The following LRP1B variants were observed in gnomAD, a reference collection of about 807,000 sequenced individuals.
The protein encoded by LRP1B is LDL receptor related protein 1B.
Under a neutral mutation model 556.6 loss-of-function variants are expected in LRP1B, and 217 were observed. The observed-to-expected ratio is 0.39, with a 90% CI of 0.35 to 0.44. The LOEUF is 0.44. Ranked by LOEUF, LRP1B falls within the 20% of genes least tolerant of loss-of-function variation. LRP1B has a pLI of 1.00. For missense variants in LRP1B, 5,053 were observed against 5,620.8 expected, an observed-to-expected ratio of 0.90 and a Z score of 3.23; for synonymous variants, 2,047 against 1,865.8, an observed-to-expected ratio of 1.10 and a Z score of -2.50.
At chr2:141,825,233 T>G (rs1369027332) in intron 1 of LRP1B, among the ~76,000 whole-genome samples, 1 of 152,182 alleles carries the variant, frequency 6.6e-6, no homozygotes, top group Non-Finnish European at 1.5e-5. Flanking sequence ...TACAGCTTTG[T>G]GAATAATAGA....
At chr2:140,582,605 C>T (rs1248151553) in intron 43 of LRP1B, among the ~76,000 whole-genome samples, 2 of 152,118 alleles carry the variant, frequency 1.3e-5, no homozygotes, top group African/African-American at 4.8e-5. Context: ...CGCTCTGCTG[C>T]CATGCGAGGA....
intron 1 of LRP1B, among the ~76,000 whole-genome samples, chr2:141,930,656 T>G (rs1700474426): frequency 1.3e-5 from 2 of 152,196 alleles, no homozygotes; most frequent in Non-Finnish European, 2.9e-5. Context: ...TTAACTCATC[T>G]TGCTGGTTTG....
At chr2:142,105,085 G>C (rs1706699126) in intron 1 of LRP1B, among the ~76,000 whole-genome samples, 1 of 152,148 alleles carries the variant, frequency 6.6e-6, no homozygotes, top group South Asian at 2.1e-4. Flanking sequence ...AGGCTCATAG[G>C]CTGATGTGCA....
At chr2:142,115,482 A>AAT (rs199641445) in intron 1 of LRP1B, among the ~76,000 whole-genome samples, 4 of 58,466 alleles carry the variant, frequency 6.8e-5, no homozygotes, top group Non-Finnish European at 1.5e-4. Context: ...ACATACATAT[A>AAT]ATATATAATT....
chr2:140,907,930 A>G lies in LRP1B; in HGVS notation c.3467T>C (p.Leu1156Pro). Residue 1156 changes from leucine (L) to proline (P), a missense_variant, in exon 22 of 91, where the codon CTC (leucine) becomes CCC (proline). This residue lies in a region of LRP1B where 3,619 missense variants were observed against 3,931.9 expected (regional missense o/e 0.92). Transcript: ENST00000389484. ...AGGACAATCCTTTTTCCCATTGCAG[A>G]GTTTCTCTGGCTGCAGGCAGACTGA... ...DTSVCLQPEKLCNGKKDCPDG... is the reference protein window; with the variant it reads ...DTSVCLQPEKPCNGKKDCPDG... The G allele has an allele frequency of 1.2e-6, 2 of 1,613,614 alleles. No homozygotes were observed. The highest frequency in any genetic ancestry group is 3.3e-5 in the Admixed American group (2 of 59,954).
intron 2 of LRP1B, among the ~76,000 whole-genome samples, chr2:141,605,778 C>A (rs559647639): frequency 2.0e-5 from 3 of 152,178 alleles, no homozygotes; most frequent in Non-Finnish European, 4.4e-5. Flanking sequence ...ATTTTGTTTT[C>A]CTTGAGTATC....
chr2:140,651,025 C>A (rs564215851), intron 41 of LRP1B, among the ~76,000 whole-genome samples: 1 of 152,144 alleles, frequency 6.6e-6, no homozygotes, highest in African/African-American at 2.4e-5. Flanking sequence ...AGCTAGTCAT[C>A]AGTTAGTCAT....
intron 3 of LRP1B, among the ~76,000 whole-genome samples, chr2:141,436,579 T>TCTTGGAGAAAGGGTATGCTAA (rs6146941): frequency 6.6e-6 from 1 of 152,058 alleles, no homozygotes; most frequent in African/African-American, 2.4e-5. Context: ...ATTACTGTTT[T>TCTTGGAGAAAGGGTATGCTAA]CTCTCTTCTG....
chr2:142,100,565 C>T (rs1437480156), intron 1 of LRP1B, among the ~76,000 whole-genome samples: 1 of 151,966 alleles, frequency 6.6e-6, no homozygotes, highest in Non-Finnish European at 1.5e-5. Flanking sequence ...TTCATTTTAA[C>T]TCTGTGATTT....
At chr2:141,145,621 C>T (rs76893075) in intron 7 of LRP1B, among the ~76,000 whole-genome samples, 4,125 of 151,594 alleles carry the variant, frequency 0.027, 73 homozygotes, top group East Asian at 0.062. Flanking sequence ...GCAACCTCTG[C>T]CTCCCGGGTT....
At chr2:141,575,164 G>A (rs1472325503) in intron 2 of LRP1B, among the ~76,000 whole-genome samples, 2 of 151,948 alleles carry the variant, frequency 1.3e-5, no homozygotes, top group South Asian at 2.1e-4. Context: ...ACAATCCTAA[G>A]CAAAAAGAAC....
chr2:140,330,335 C>T (rs1338484229), intron 79 of LRP1B, among the ~76,000 whole-genome samples: 1 of 151,714 alleles, frequency 6.6e-6, no homozygotes, highest in African/African-American at 2.4e-5. Flanking sequence ...AACTATACTA[C>T]AAGGCTATAG....
At chr2:141,398,775 C>A (rs760041844) in intron 3 of LRP1B, among the ~76,000 whole-genome samples, 54 of 152,194 alleles carry the variant, frequency 3.5e-4, no homozygotes, top group Non-Finnish European at 6.3e-4. Context: ...TGGTGGACAA[C>A]CTTACAACAG....
chr2:140,626,726 A>T (rs1167102469), intron 41 of LRP1B, among the ~76,000 whole-genome samples: 1 of 151,224 alleles, frequency 6.6e-6, no homozygotes, highest in African/African-American at 2.4e-5. Flanking sequence ...AAGAGTAAAT[A>T]AGGATCATCC....
chr2:141,565,948 T>C (rs746110449), intron 2 of LRP1B, among the ~76,000 whole-genome samples: 1 of 152,192 alleles, frequency 6.6e-6, no homozygotes, highest in Non-Finnish European at 1.5e-5. Context: ...TTTACATTTC[T>C]TTATTTTACC....
intron 1 of LRP1B, among the ~76,000 whole-genome samples, chr2:141,922,739 G>A (rs181715059): frequency 5.2e-4 from 79 of 152,264 alleles, no homozygotes; most frequent in African/African-American, 1.9e-3. Context: ...TGAGTCTAGA[G>A]TCACACATAT....
intron 1 of LRP1B, among the ~76,000 whole-genome samples, chr2:141,878,109 T>G (rs1698828430): frequency 6.6e-6 from 1 of 152,002 alleles, no homozygotes; most frequent in Non-Finnish European, 1.5e-5. Flanking sequence ...CTTAAAGGAC[T>G]TCACAAATTT....
At chr2:141,951,229 T>C (rs931754490) in intron 1 of LRP1B, among the ~76,000 whole-genome samples, 1 of 152,192 alleles carries the variant, frequency 6.6e-6, no homozygotes, top group Non-Finnish European at 1.5e-5. Context: ...TACATATGAT[T>C]TTTGGTTACA....
rs764320005 is a variant in LRP1B, at chr2:141,019,957, A to G, written c.1935T>C (p.Ser645=). The change falls in exon 12 of 91, where the codon TCT becomes TCC. Residue 645 remains serine, a synonymous_variant. Coordinates refer to ENST00000389484, the MANE Select transcript of LRP1B (RefSeq NM_018557.3). ...GATCCACCACAATTCCTCTGGGATG[A>G]GACATTTCACCCTCTAAAAGAGTCT... ...SRKTLLEGEM[S]HPRGIVVDPV... 1 of 1,610,534 alleles carries G rather than the reference A, an allele frequency of 6.2e-7. No individual in the cohort carries two copies. The highest frequency in any genetic ancestry group is 1.1e-5 in the South Asian group (1 of 90,742).
Sources: allele counts gnomAD v4.1 joint callset (sites outside exome capture counted in the v4.1 genomes callset), GRCh38; gene constraint gnomAD v4.1.1; regional missense constraint gnomAD v4.1.1; transcripts MANE v1.5; gene names NCBI Gene and HGNC (gene_info 2026-07-23, HGNC 2026-07-21).